The following OPA1 variants were observed in gnomAD, a reference collection of about 807,000 sequenced individuals.
OPA1 encodes OPA1 mitochondrial dynamin like GTPase, also known as dynamin-like GTPase OPA1, mitochondrial.
In OPA1, 59 loss-of-function variants were observed where a neutral mutation model predicts 152.9. The observed-to-expected ratio is 0.39, with a 90% CI of 0.31 to 0.48. OPA1 has a LOEUF of 0.48. Among genes scored for constraint, OPA1 ranks in the 20% least tolerant of loss-of-function variants. The pLI, the probability that OPA1 is intolerant of heterozygous loss-of-function variation, is 0.96. For synonymous variants in OPA1, 400 were observed against 389.9 expected (o/e 1.03, Z -0.31); for missense variants, 1,008 against 1,216.8 (o/e 0.83, Z 2.55).
chr3:193,674,547 C>T (rs78954613), intron 29 of OPA1, among the ~76,000 whole-genome samples: 6,586 of 152,144 alleles, frequency 0.043, 209 homozygotes, highest in South Asian at 0.13. Context: ...TCACTGAATC[C>T]AAAATATAGT....
chr3:193,688,449 CTTTTTTTTTTTTTTTTTTTT>C lies in OPA1; in HGVS notation c.2984-3586_2984-3567del, dbSNP rs766448341. ...TGATTTTTACTGAAATGGGTCTTTT[CTTTTTTTTTTTTTTTTTTTT>C]TTTTTTTTTTTTTTTTTTTTTTTTT... On this transcript the variant is annotated intron_variant, in intron 29 of 30. Transcript: ENST00000361510. Among the ~76,000 whole-genome samples, 21 of 63,350 alleles carry C rather than the reference CTTTTTTTTTTTTTTTTTTTT, an allele frequency of 3.3e-4. No homozygotes were observed. The East Asian group carries it at 3.4e-3, about 10-fold the overall frequency. The allele number at this position is 63,350 out of a possible 152,430, so 41.6% of individuals were successfully genotyped here.
At chr3:193,653,397 A>G (rs188605736) in intron 21 of OPA1, among the ~76,000 whole-genome samples, 93 of 152,210 alleles carry the variant, frequency 6.1e-4, no homozygotes, top group Non-Finnish European at 1.2e-3. Flanking sequence ...GGACAGCAGG[A>G]TATTTCTGCT....
rs1284210898 is a variant in OPA1, at chr3:193,642,785, T to G, written c.1170T>G (p.Pro390=). Residue 390 remains proline, a synonymous_variant, in exon 12 of 31, where the codon CCT becomes CCG. Coordinates refer to ENST00000361510, the MANE Select transcript of OPA1 (RefSeq NM_130837.3). ...SPVKVTLSEG[P]HHVALFKDSS... is the part of the protein sequence containing the mutation. ...ATCAGGTGACTCTGAGTGAAGGTCC[T>G]CACCATGTGGCCCTATTTAAAGATA... 9 of 1,613,150 alleles carry G rather than the reference T, an allele frequency of 5.6e-6. No homozygotes were observed. The highest frequency in any genetic ancestry group is 7.6e-6 in the Non-Finnish European group (9 of 1,179,154).
rs1560079327 is a variant in OPA1 at position 193,688,444 on chromosome 3, C to CTTTTT, written c.2984-3615_2984-3614insTTTTT. Among the ~76,000 whole-genome samples, 10 of 38,520 alleles carry CTTTTT rather than the reference C, an allele frequency of 2.6e-4. 4 individuals are homozygous for CTTTTT. The highest frequency in any genetic ancestry group is 2.1e-4 in the African/African-American group (3 of 14,398). The allele number at this position is 38,520 out of a possible 152,430, so 25.3% of individuals were successfully genotyped here. On this transcript the variant is annotated intron_variant, in intron 29 of 30. Coordinates refer to ENST00000361510, the MANE Select transcript of OPA1 (RefSeq NM_130837.3). The stretch of plus-strand genomic sequence containing the variant: ...TTCCCTGATTTTTACTGAAATGGGT[C>CTTTTT]TTTTCTTTTTTTTTTTTTTTTTTTT...
At chr3:193,612,119 C>G (rs1201629593) in intron 1 of OPA1, among the ~76,000 whole-genome samples, 2 of 152,068 alleles carry the variant, frequency 1.3e-5, no homozygotes, top group Non-Finnish European at 2.9e-5. Flanking sequence ...TTCTAAATTC[C>G]TCAGTAAATT....
At chr3:193,649,364 T>C (rs770449787) in intron 21 of OPA1, among the ~76,000 whole-genome samples, 6 of 152,134 alleles carry the variant, frequency 3.9e-5, no homozygotes, top group African/African-American at 1.4e-4. Context: ...TTTTGAAAAA[T>C]ATGTTAATCT....
chr3:193,632,482 A>G (rs1440653185), intron 8 of OPA1, among the ~76,000 whole-genome samples: 7 of 152,162 alleles, frequency 4.6e-5, no homozygotes, highest in Non-Finnish European at 1.0e-4. Flanking sequence ...CTCCATCTCA[A>G]AAAGAAAAAA....
intron 7 of OPA1, among the ~76,000 whole-genome samples, chr3:193,627,858 C>T (rs1006422612): frequency 1.1e-4 from 16 of 152,086 alleles, no homozygotes; most frequent in East Asian, 1.9e-4. Context: ...CTCCCTTTCC[C>T]GATTTGTAAA....
chr3:193,619,674 TTC>T (rs1229098365), intron 6 of OPA1: 1 of 152,216 alleles, frequency 6.6e-6, no homozygotes, highest in East Asian at 1.9e-4. Context: ...GAAAGTTTTT[TTC>T]TAAATAATAC....
chr3:193,677,036 C>T (rs971398825), intron 29 of OPA1, among the ~76,000 whole-genome samples: 1 of 134,596 alleles, frequency 7.4e-6, no homozygotes, highest in Non-Finnish European at 1.6e-5. Flanking sequence ...TAAATTAGTA[C>T]AAGCGTAAAA....
intron 1 of OPA1, among the ~76,000 whole-genome samples, chr3:193,610,844 G>A (rs1560321006): frequency 6.6e-6 from 1 of 152,266 alleles, no homozygotes; most frequent in African/African-American, 2.4e-5. Context: ...CCAGGCGCGG[G>A]ATATAGTCTC....
intron 1 of OPA1, among the ~76,000 whole-genome samples, chr3:193,608,324 T>A (rs1394853327): frequency 1.3e-5 from 2 of 152,230 alleles, no homozygotes; most frequent in Non-Finnish European, 2.9e-5. Context: ...TTTCCTACTT[T>A]CTCTTGTGGG....
chr3:193,612,356 A>C (rs1207627322), intron 1 of OPA1, among the ~76,000 whole-genome samples: 1 of 149,920 alleles, frequency 6.7e-6, no homozygotes, highest in African/African-American at 2.5e-5. Context: ...ATGTAGGTAG[A>C]GATGGACAAA....
At chr3:193,665,064 C>T in intron 27 of OPA1, 68 bp downstream of exon 27, 1 of 861,782 alleles carries the variant, frequency 1.2e-6, no homozygotes, top group East Asian at 2.4e-5. Context: ...TAAAAGTAAA[C>T]TTTAGCTTAA....
intron 29 of OPA1, chr3:193,668,225 C>A: frequency 1.1e-6 from 1 of 870,336 alleles, no homozygotes; most frequent in Non-Finnish European, 1.8e-6. Flanking sequence ...AGAAAACGGG[C>A]TTCTAGTATC....
intron 22 of OPA1, 106 bp from the exon 23 acceptor site, chr3:193,656,974 C>G (rs933484231): frequency 1.0e-6 from 1 of 985,164 alleles, no homozygotes; most frequent in South Asian, 1.7e-5. Flanking sequence ...TTCTGATAAG[C>G]TGATTTATTT....
chr3:193,593,668 C>G (rs779708526), intron 1 of OPA1, among the ~76,000 whole-genome samples: 1 of 152,212 alleles, frequency 6.6e-6, no homozygotes, highest in Non-Finnish European at 1.5e-5. Context: ...TGGCCCGTCT[C>G]TATTGTCCTT....
chr3:193,628,131 T>C (rs1241243993), intron 7 of OPA1, among the ~76,000 whole-genome samples: 2 of 152,182 alleles, frequency 1.3e-5, no homozygotes, highest in Non-Finnish European at 2.9e-5. Flanking sequence ...GAGATTTTTA[T>C]CATTCCAGGC....
At chr3:193,663,101 T>G (rs904170156) in intron 26 of OPA1, 139 bp downstream of exon 26, 11 of 790,760 alleles carry the variant, frequency 1.4e-5, no homozygotes, top group Non-Finnish European at 2.1e-5. Flanking sequence ...CAGTAAAAGC[T>G]TAGTCATTTT....
Sources: allele counts gnomAD v4.1 joint callset (sites outside exome capture counted in the v4.1 genomes callset), GRCh38; gene constraint gnomAD v4.1.1; transcripts MANE v1.5; gene names NCBI Gene and HGNC (gene_info 2026-07-23, HGNC 2026-07-21).